CLVS1: variants seen among roughly 807,000 people sequenced by gnomAD.
CLVS1 encodes the protein clavesin 1.
In CLVS1, 10 loss-of-function variants were observed where a neutral mutation model predicts 33.1. That is an observed-to-expected ratio of 0.30 (90% CI 0.19 to 0.51). The LOEUF is 0.51. Ranked by LOEUF, CLVS1 falls within the 20% of genes least tolerant of loss-of-function variation. The pLI is 0.97. For missense variants in CLVS1, 343 were observed against 433.4 expected (o/e 0.79, Z 1.85); for synonymous variants, 163 against 166.1 (o/e 0.98, Z 0.14).
intron 2 of CLVS1, among the ~76,000 whole-genome samples, chr8:61,220,986 G>A (rs979992430): frequency 3.9e-5 from 6 of 152,098 alleles, no homozygotes; most frequent in Non-Finnish European, 7.3e-5. Context: ...CTCTCTGCTT[G>A]CCTATTATTG....
intron 2 of CLVS1, among the ~76,000 whole-genome samples, chr8:61,331,263 GT>G (rs1473189469): frequency 1.3e-5 from 2 of 151,960 alleles, no homozygotes; most frequent in African/African-American, 2.4e-5. Context: ...ATGTGAATCT[GT>G]TTTTTTCTGG....
At chr8:61,357,494 C>CTT (rs1167743712) in intron 2 of CLVS1, among the ~76,000 whole-genome samples, 399 of 25,738 alleles carry the variant, frequency 0.016, 59 homozygotes, top group Non-Finnish European at 0.017. Context: ...TTTTTCTTTT[C>CTT]TTTTTTTTTT....
chr8:61,049,939 C>T, the CLVS1 span, among the ~76,000 whole-genome samples: 1 of 152,214 alleles, frequency 6.6e-6, no homozygotes, highest in Non-Finnish European at 1.5e-5. Context: ...GAACAAAATT[C>T]TGCTGAATTC....
chr8:61,318,249 C>T (rs567287896), intron 2 of CLVS1, among the ~76,000 whole-genome samples: 1 of 152,232 alleles, frequency 6.6e-6, no homozygotes, highest in South Asian at 2.1e-4. Flanking sequence ...TTAACTTTTT[C>T]ACTTGTTTGT....
chr8:61,334,877 C>T (rs779552530), intron 2 of CLVS1, among the ~76,000 whole-genome samples: 7 of 152,020 alleles, frequency 4.6e-5, no homozygotes, highest in Non-Finnish European at 8.8e-5. Context: ...GAGTAATTCA[C>T]GCAGAGCTGG....
chr8:61,261,872 G>A (rs1335174650), intron 2 of CLVS1, among the ~76,000 whole-genome samples: 1 of 152,152 alleles, frequency 6.6e-6, no homozygotes, highest in Non-Finnish European at 1.5e-5. Context: ...AAGACAGTGA[G>A]GACTCCATGC....
chr8:61,489,993 T>C (rs1443664102), intron 5 of CLVS1, among the ~76,000 whole-genome samples: 1 of 152,188 alleles, frequency 6.6e-6, no homozygotes, highest in African/African-American at 2.4e-5. Flanking sequence ...AAGTAGCACG[T>C]GGCAGCTCTC....
chr8:61,476,596 T>C (rs539406115), intron 5 of CLVS1, among the ~76,000 whole-genome samples: 155 of 152,348 alleles, frequency 1.0e-3, no homozygotes, highest in Non-Finnish European at 1.8e-3. Context: ...TGGCTCTCTG[T>C]TTGTCTATTA....
At chr8:60,979,322 G>T in the CLVS1 span, among the ~76,000 whole-genome samples, 99 of 152,330 alleles carry the variant, frequency 6.5e-4, no homozygotes, top group African/African-American at 2.2e-3. Context: ...TGAAGAGTCT[G>T]TGTAACCAAG....
chr8:61,090,467 A>G (rs966620589), intron 1 of CLVS1, among the ~76,000 whole-genome samples: 2 of 152,112 alleles, frequency 1.3e-5, no homozygotes, highest in African/African-American at 2.4e-5. Flanking sequence ...TGGACTCCCA[A>G]AATTCGATAG....
chr8:61,023,458 T>C, the CLVS1 span, among the ~76,000 whole-genome samples: 1 of 152,234 alleles, frequency 6.6e-6, no homozygotes, highest in Non-Finnish European at 1.5e-5. Context: ...TGCCCTGCCA[T>C]GCACCATTAC....
At chr8:61,254,044 T>C (rs1463296605) in intron 2 of CLVS1, among the ~76,000 whole-genome samples, 1 of 152,232 alleles carries the variant, frequency 6.6e-6, no homozygotes, top group Non-Finnish European at 1.5e-5. Context: ...TCCCCATCTT[T>C]GTGGTTTTAT....
intron 5 of CLVS1, among the ~76,000 whole-genome samples, chr8:61,496,688 G>C (rs550417962): frequency 2.6e-5 from 4 of 152,232 alleles, no homozygotes; most frequent in Admixed American, 2.6e-4. Flanking sequence ...AAATTTTTTT[G>C]AGACACTTGT....
At chr8:61,426,639 G>A (rs562174161) in intron 3 of CLVS1, among the ~76,000 whole-genome samples, 20 of 152,250 alleles carry the variant, frequency 1.3e-4, no homozygotes, top group Middle Eastern at 3.4e-3. Context: ...TTTGGTCTGC[G>A]GTCCTAGTAC....
intron 2 of CLVS1, among the ~76,000 whole-genome samples, chr8:61,353,807 TA>T (rs113798999): frequency 1.9e-4 from 29 of 149,304 alleles, no homozygotes; most frequent in Middle Eastern, 3.5e-3. Context: ...GTTGGCCCTT[TA>T]AAAAAAAATC....
chr8:61,351,519 G>A (rs936657949), intron 2 of CLVS1, among the ~76,000 whole-genome samples: 8 of 152,018 alleles, frequency 5.3e-5, no homozygotes. Context: ...GAATGAAAGA[G>A]TATTTGAATA....
intron 3 of CLVS1, among the ~76,000 whole-genome samples, chr8:61,393,402 G>C (rs1041963006): frequency 6.6e-6 from 1 of 151,942 alleles, no homozygotes; most frequent in Non-Finnish European, 1.5e-5. Flanking sequence ...TCTTTATCTG[G>C]CGATTAAGAG....
intron 2 of CLVS1, among the ~76,000 whole-genome samples, chr8:61,208,420 C>A (rs1293695337): frequency 1.3e-5 from 2 of 151,948 alleles, no homozygotes; most frequent in Non-Finnish European, 2.9e-5. Flanking sequence ...GCAAGAGCTG[C>A]AATAGTTTAA....
chr8:61,367,181 A>G (rs1032002189), intron 2 of CLVS1, among the ~76,000 whole-genome samples: 2 of 152,112 alleles, frequency 1.3e-5, no homozygotes, highest in Admixed American at 6.5e-5. Flanking sequence ...TTTGATGCAC[A>G]TAGTTCCTGC....
Sources: gnomAD v4.1 joint callset for allele counts (sites outside exome capture counted in the v4.1 genomes callset) on GRCh38, gnomAD v4.1.1 for gene constraint, MANE v1.5 for transcripts, NCBI Gene and HGNC (gene_info 2026-07-23, HGNC 2026-07-21) for gene names.